Variants in EYA3 observed in about 807,000 individuals in gnomAD.
EYA3 encodes protein phosphatase EYA3.
EYA3 carries 39 observed loss-of-function variants against 80.0 expected under a neutral mutation model. The ratio of observed to expected loss-of-function variants is 0.49; its 90% CI spans 0.38 to 0.64. EYA3 has a LOEUF of 0.64. EYA3 is among the 30% of genes least tolerant of loss of function. The pLI is 0.00. For missense variants in EYA3, 523 were observed against 676.1 expected (o/e 0.77, Z 2.51); for synonymous variants, 206 against 232.8 (o/e 0.88, Z 1.05).
chr1:28,044,735 G>A (rs1204439405), intron 3 of EYA3, among the ~76,000 whole-genome samples: 6 of 151,676 alleles, frequency 4.0e-5, no homozygotes, highest in Admixed American at 3.3e-4. Flanking sequence ...GTATAATAAG[G>A]GTTTTTTTTA....
At chr1:28,030,919 A>G (rs1198259722) in intron 6 of EYA3, among the ~76,000 whole-genome samples, 1 of 152,246 alleles carries the variant, frequency 6.6e-6, no homozygotes, top group Admixed American at 6.5e-5. Context: ...CAATGTCACA[A>G]TAACTTTCAG....
chr1:28,059,715 A>AT (rs1224157714), intron 1 of EYA3, among the ~76,000 whole-genome samples: 27,858 of 113,488 alleles, frequency 0.25, 3,792 homozygotes, highest in East Asian at 0.48. Flanking sequence ...CATTTGTTGG[A>AT]TTTTTTTTTT....
At chr1:27,997,276 A>T in intron 13 of EYA3, 44 bp downstream of exon 13, 1 of 1,546,274 alleles carries the variant, frequency 6.5e-7, no homozygotes, top group Non-Finnish European at 8.9e-7. Context: ...CAGATCTTGC[A>T]CATAACAGGT....
intron 1 of EYA3, among the ~76,000 whole-genome samples, chr1:28,073,127 A>ATATATATATATATATATATATATATTTTT (rs1553157671): frequency 6.7e-5 from 1 of 14,998 alleles, no homozygotes; most frequent in Non-Finnish European, 1.1e-4. Flanking sequence ...ATATATATAT[A>ATATATATATATATATATATATATATTTTT]TTTTTTTTTT....
At chr1:28,048,501 G>T in intron 2 of EYA3, 75 bp from the exon 3 acceptor site, 1 of 1,095,680 alleles carries the variant, frequency 9.1e-7, no homozygotes, top group Non-Finnish European at 1.4e-6. Flanking sequence ...CAAACAACAG[G>T]CTATTAACTA....
At chr1:28,075,927 T>TTACA (rs1645183819) in intron 1 of EYA3, among the ~76,000 whole-genome samples, 1 of 152,198 alleles carries the variant, frequency 6.6e-6, no homozygotes, top group African/African-American at 2.4e-5. Flanking sequence ...TCTAACATAC[T>TTACA]TACTAACATA....
chr1:28,080,924 ATT>A (rs758922041), intron 1 of EYA3, among the ~76,000 whole-genome samples: 1 of 144,686 alleles, frequency 6.9e-6, no homozygotes. Context: ...CTAATTTTGT[ATT>A]TTTTTTTTTG....
intron 7 of EYA3, among the ~76,000 whole-genome samples, chr1:28,022,008 C>A (rs895090528): frequency 6.6e-6 from 1 of 152,120 alleles, no homozygotes; most frequent in African/African-American, 2.4e-5. Flanking sequence ...AGAAGCTGTA[C>A]ATATTTTGGT....
chr1:28,038,502 T>C (rs188020607), intron 5 of EYA3, among the ~76,000 whole-genome samples: 1 of 151,052 alleles, frequency 6.6e-6, no homozygotes, highest in East Asian at 1.9e-4. Flanking sequence ...AGTCTTGTTT[T>C]TATTAATCTG....
At chr1:28,087,618 C>G (rs368376077) in intron 1 of EYA3, among the ~76,000 whole-genome samples, 7 of 152,242 alleles carry the variant, frequency 4.6e-5, no homozygotes. Flanking sequence ...TCTATCATCA[C>G]AAGTGTCCTG....
chr1:28,053,245 T>TA (rs1394403091), intron 2 of EYA3, among the ~76,000 whole-genome samples: 1 of 150,092 alleles, frequency 6.7e-6, no homozygotes, highest in African/African-American at 2.5e-5. Context: ...CATTTTAGAA[T>TA]AGACTAAAAA....
intron 2 of EYA3, among the ~76,000 whole-genome samples, chr1:28,050,195 TA>T (rs376443931): frequency 0.1 from 14,694 of 146,578 alleles, 1,053 homozygotes; most frequent in African/African-American, 0.17. Context: ...TTATTATTAT[TA>T]TTATTATTTT....
intron 1 of EYA3, among the ~76,000 whole-genome samples, chr1:28,064,418 C>T (rs113658949): frequency 1.4e-5 from 2 of 142,178 alleles, no homozygotes; most frequent in Non-Finnish European, 3.1e-5. Flanking sequence ...TGCGAGACAG[C>T]GAGACTCTGC....
At chr1:28,020,667 C>CGTGTGT (rs56017264) in intron 7 of EYA3, among the ~76,000 whole-genome samples, 4,285 of 134,480 alleles carry the variant, frequency 0.032, 105 homozygotes, top group East Asian at 0.038. Flanking sequence ...TACAGATCAT[C>CGTGTGT]GTGTGTGTGT....
chr1:27,983,659 G>C (rs1341207020), intron 16 of EYA3, among the ~76,000 whole-genome samples: 1 of 152,208 alleles, frequency 6.6e-6, no homozygotes, highest in East Asian at 1.9e-4. Flanking sequence ...TATAGATTCT[G>C]CATTCTTTTT....
chr1:27,991,272 C>A (rs1018290545), intron 14 of EYA3, among the ~76,000 whole-genome samples: 1 of 152,268 alleles, frequency 6.6e-6, no homozygotes, highest in South Asian at 2.1e-4. Context: ...AGAAGTCTTT[C>A]CACTACTCCA....
intron 2 of EYA3, 40 bp from the exon 3 acceptor site, chr1:28,048,466 C>T: frequency 6.5e-7 from 1 of 1,539,754 alleles, no homozygotes; most frequent in Non-Finnish European, 8.9e-7. Flanking sequence ...TGTACTTGAT[C>T]TGTTTTTTAA....
In EYA3 at chr1:28,058,076, T is replaced by C; in HGVS notation, c.-50A>G. On this transcript the variant is annotated 5_prime_UTR_variant, in exon 2 of 18. Transcript: ENST00000373871. ...CTTATGTGACTGGATTGCAAGTCTC[T>C]CTCAGCAGTTTTCACAATCTGTTTT... 6.8e-7 allele frequency: 1 copy of C among 1,473,194 alleles called. No homozygotes were observed. Among genetic ancestry groups the C allele is most frequent in the South Asian group, 1.3e-5 (1 of 75,684 alleles). The allele number at this position is 1,473,194 out of a possible 1,614,324, so 91.3% of individuals were successfully genotyped here.
intron 14 of EYA3, 108 bp downstream of exon 14, chr1:27,993,292 T>C: frequency 8.5e-7 from 1 of 1,174,188 alleles, no homozygotes; most frequent in Non-Finnish European, 1.2e-6. Flanking sequence ...CATATAACTG[T>C]GGCATAATTT....
Sources: gnomAD v4.1 joint callset for allele counts (sites outside exome capture counted in the v4.1 genomes callset) on GRCh38, gnomAD v4.1.1 for gene constraint, MANE v1.5 for transcripts, NCBI Gene and HGNC (gene_info 2026-07-23, HGNC 2026-07-21) for gene names.